SEC14L5: variants seen among roughly 807,000 people sequenced by gnomAD.
SEC14L5 encodes the protein SEC14 like lipid binding 5.
In SEC14L5, 96 loss-of-function variants were observed where a neutral mutation model predicts 84.6. The ratio of observed to expected loss-of-function variants is 1.13; its 90% CI spans 0.96 to 1.34. The LOEUF is 1.34. SEC14L5 is among the 40% of genes most tolerant of loss of function. The pLI is 0.00. For synonymous variants in SEC14L5, 546 were observed against 383.4 expected (o/e 1.42, Z -4.95); for missense variants, 1,224 against 942.5 (o/e 1.30, Z -3.91).
At chr16:4,983,967 A>T (rs1955458553) in intron 2 of SEC14L5, among the ~76,000 whole-genome samples, 1 of 152,200 alleles carries the variant, frequency 6.6e-6, no homozygotes, top group East Asian at 1.9e-4. Context: ...ACATATAAAC[A>T]CATACACTTG....
At chr16:4,987,508 G>GGCCCC in intron 2 of SEC14L5, 49 bp from the exon 3 acceptor site, 1 of 1,445,172 alleles carries the variant, frequency 6.9e-7, no homozygotes, top group Non-Finnish European at 9.2e-7. Flanking sequence ...GGGGGGGGGG[G>GGCCCC]TCCCTCTGCC....
chr16:4,959,131 T>A, intron 1 of SEC14L5, 142 bp from the exon 2 acceptor site: 1 of 601,972 alleles, frequency 1.7e-6, no homozygotes. Context: ...CCTGGAGTAA[T>A]TTGGGGGGAA....
At chr16:4,999,105 C>T (rs1470221810) in intron 8 of SEC14L5, among the ~76,000 whole-genome samples, 4 of 152,120 alleles carry the variant, frequency 2.6e-5, no homozygotes, top group Admixed American at 6.6e-5. Context: ...CATTTTTGGG[C>T]TTTTCTTTGG....
chr16:4,996,337 TCTC>T lies in SEC14L5; in HGVS notation c.668-6_668-4del, dbSNP rs1955607952. 6 of 1,516,100 alleles carry T rather than the reference TCTC, an allele frequency of 4.0e-6. No homozygotes were observed. Among genetic ancestry groups the T allele is most frequent in the Non-Finnish European group, 5.4e-6 (6 of 1,114,658 alleles). The allele number at this position is 1,516,100 out of a possible 1,614,324, so 93.9% of individuals were successfully genotyped here. On this transcript the variant is annotated splice_region_variant and splice_polypyrimidine_tract_variant and intron_variant, in intron 6 of 15. Coordinates refer to ENST00000251170, the MANE Select transcript of SEC14L5 (RefSeq NM_014692.2). ...TCCCTCTTGTCCTGAAGCTCCCCCT[TCTC>T]CTCCAAGGGGACAAGCTGGATGCGG...
intron 2 of SEC14L5, among the ~76,000 whole-genome samples, chr16:4,979,874 C>T (rs537324480): frequency 4.6e-5 from 7 of 152,348 alleles, no homozygotes; most frequent in East Asian, 3.9e-4. Flanking sequence ...CATGCCCCAC[C>T]GGCCCCATCC....
At chr16:5,010,992 C>A in intron 14 of SEC14L5, 103 bp from the exon 15 acceptor site, 1 of 1,133,852 alleles carries the variant, frequency 8.8e-7, no homozygotes, top group Non-Finnish European at 1.2e-6. Flanking sequence ...GGGAGAAGAG[C>A]CCCAATTTCC....
At position 4,967,575 on chromosome 16, in the gene SEC14L5, T is replaced by A. The variant is rs1322513323; in HGVS notation, c.63+8189T>A. ...TTTCTTTCTTTCGTTTTTTTTTTTT[T>A]TTTTTTTTTTTTTTTTTGACAGAGT... is the stretch of plus-strand genomic sequence containing the variant. On this transcript the variant is annotated intron_variant, in intron 2 of 15. Coordinates refer to ENST00000251170, the MANE Select transcript of SEC14L5 (RefSeq NM_014692.2). Among the ~76,000 whole-genome samples the A allele has an allele frequency of 4.5e-5, 6 of 132,352 alleles. 1 individual carries two copies. Among genetic ancestry groups the A allele is most frequent in the Admixed American group, 3.1e-4 (4 of 13,090 alleles). The allele number at this position is 132,352 out of a possible 152,430, so 86.8% of individuals were successfully genotyped here.
In SEC14L5 at chr16:5,015,282, C is replaced by T. The variant is rs1328274492; in HGVS notation, c.*312C>T. The T allele has an allele frequency of 9.0e-6, 3 of 333,242 alleles. No individual in the cohort carries two copies. The highest frequency in any genetic ancestry group is 1.1e-4 in the South Asian group (2 of 17,818). The allele number at this position is 333,242 out of a possible 1,614,324, so 20.6% of individuals were successfully genotyped here. On this transcript the variant is annotated 3_prime_UTR_variant, in exon 16 of 16. Transcript: ENST00000251170. Reference sequence around the variant, plus strand: ...GCTTAGCGACGTCAGCCAGGCCCATCTCCTCTCTGTCCACCTCTTGCTCTG... The same window carrying T: ...GCTTAGCGACGTCAGCCAGGCCCATTTCCTCTCTGTCCACCTCTTGCTCTG...
intron 2 of SEC14L5, among the ~76,000 whole-genome samples, chr16:4,971,153 C>T (rs965322099): frequency 2.7e-5 from 4 of 149,668 alleles, no homozygotes; most frequent in African/African-American, 9.8e-5. Flanking sequence ...GGTTAGGGAA[C>T]TTGTTAAAAA....
chr16:5,014,801 C>T (rs187304507), intron 15 of SEC14L5, 58 bp from the exon 16 acceptor site: 1 of 1,355,882 alleles, frequency 7.4e-7, no homozygotes, highest in East Asian at 2.3e-5. Flanking sequence ...TGCTGTGTGT[C>T]AGCCCAAGGG....
At position 5,015,038 on chromosome 16, in the gene SEC14L5, G is replaced by A. The variant is rs1955858246; in HGVS notation, c.*68G>A. On this transcript the variant is annotated 3_prime_UTR_variant, in exon 16 of 16. Transcript: ENST00000251170. ...CAGAAATGTCCAGAATGAGAAGCCA[G>A]CTAACTGCAGGGCCTGGGACCATGT... The A allele has an allele frequency of 1.6e-6, 2 of 1,258,784 alleles. No individual in the cohort carries two copies. Among genetic ancestry groups the A allele is most frequent in the Admixed American group, 1.8e-5 (1 of 56,276 alleles). 78.0% of individuals were successfully genotyped at this position (1,258,784 alleles called of 1,614,324 possible).
At chr16:4,988,605 C>T (rs1254047012) in intron 4 of SEC14L5, among the ~76,000 whole-genome samples, 2 of 151,984 alleles carry the variant, frequency 1.3e-5, no homozygotes, top group South Asian at 2.1e-4. Context: ...CTTTCCCCTC[C>T]CTCCTTTCCT....
chr16:5,008,329 G>C, intron 13 of SEC14L5, 92 bp from the exon 14 acceptor site: 1 of 887,610 alleles, frequency 1.1e-6, no homozygotes, highest in South Asian at 1.4e-5. Context: ...GGAGACCCCA[G>C]GGGGCACCCA....
intron 2 of SEC14L5, among the ~76,000 whole-genome samples, chr16:4,967,921 CCTT>C (rs1200194101): frequency 3.2e-4 from 48 of 148,864 alleles, no homozygotes; most frequent in African/African-American, 1.2e-3. Context: ...TCCTTCCTTT[CCTT>C]CTTTCCTTCC....
chr16:5,001,307 G>C (rs1460139699), intron 10 of SEC14L5, among the ~76,000 whole-genome samples: 1 of 147,730 alleles, frequency 6.8e-6, no homozygotes, highest in East Asian at 2.0e-4. Context: ...CGCCCAGGCT[G>C]GAGTGCAGCG....
intron 15 of SEC14L5, 97 bp from the exon 16 acceptor site, chr16:5,014,762 C>A (rs1955851821): frequency 3.3e-6 from 3 of 904,252 alleles, no homozygotes; most frequent in Non-Finnish European, 5.2e-6. Context: ...GCCCTGGGGC[C>A]TGATTTGCAG....
chr16:5,000,905 G>A lies in SEC14L5; in HGVS notation c.1110G>A (p.Arg370=), dbSNP rs753361990. 1.2e-6 allele frequency: 2 copies of A among 1,608,124 alleles called. No individual in the cohort carries two copies. The highest frequency in any genetic ancestry group is 1.1e-5 in the South Asian group (1 of 89,838). ...AGAAGCGGTGTGAGGGGAGCACAAG[G>A]CAGCTGGGCCGTCCCATCAGGCAAA... ...EGQKRCEGST[R]QLGRPISSWT... is the part of the protein sequence containing the mutation. The change falls in exon 10 of 16, where the codon AGG becomes AGA. Residue 370 remains arginine (R), a synonymous_variant. Transcript: ENST00000251170.
rs1420577303 is a variant in SEC14L5 at position 5,011,478 on chromosome 16, A to T, written c.1979+205A>T. Among the ~76,000 whole-genome samples, 6 of 152,174 alleles carry T rather than the reference A, an allele frequency of 3.9e-5. 1 individual carries two copies. Among genetic ancestry groups the T allele is most frequent in the Admixed American group, 3.9e-4 (6 of 15,280 alleles). On this transcript the variant is annotated intron_variant, in intron 15 of 15. Transcript: ENST00000251170. ...CTCTGCGCGTCTAACTCTGCTTCCG[A>T]AGCAGGGATTTTCCTTCAAATGAAA...
intron 2 of SEC14L5, among the ~76,000 whole-genome samples, chr16:4,969,820 C>CTTTTTT (rs1050575299): frequency 2.1e-5 from 3 of 141,306 alleles, no homozygotes; most frequent in African/African-American, 2.6e-5. Flanking sequence ...TTTTTCTTTC[C>CTTTTTT]TTTTTTTTTT....
Sources: gnomAD v4.1 joint callset for allele counts (sites outside exome capture counted in the v4.1 genomes callset) on GRCh38, gnomAD v4.1.1 for gene constraint, MANE v1.5 for transcripts, NCBI Gene and HGNC (gene_info 2026-07-23, HGNC 2026-07-21) for gene names.